RORA: variants seen among roughly 807,000 people sequenced by gnomAD.
The protein encoded by RORA is nuclear receptor ROR-alpha.
A neutral mutation model predicts 69.5 loss-of-function variants in RORA; 7 were observed. The observed-to-expected ratio is 0.10, with a 90% CI of 0.06 to 0.19. The LOEUF (loss-of-function observed/expected upper bound fraction) is 0.19, where lower values mean the gene tolerates loss of function less well. Among genes scored for constraint, RORA ranks in the 10% least tolerant of loss-of-function variants. The probability of loss-of-function intolerance (pLI) is 1.00; values close to 1 mark genes in which losing one functional copy is unlikely to be tolerated. For synonymous variants in RORA, 261 were observed against 240.8 expected (o/e 1.08, Z -0.78); for missense variants, 457 against 663.0 (o/e 0.69, Z 3.41).
At chr15:61,084,092 G>A (rs2078586838) in intron 1 of RORA, among the ~76,000 whole-genome samples, 1 of 152,106 alleles carries the variant, frequency 6.6e-6, no homozygotes, top group Admixed American at 6.5e-5. Flanking sequence ...ATATTGAAGG[G>A]AGCTCTCTCA....
intron 1 of RORA, among the ~76,000 whole-genome samples, chr15:60,684,612 A>G (rs1411766438): frequency 1.3e-5 from 2 of 152,180 alleles, no homozygotes; most frequent in East Asian, 1.9e-4. Flanking sequence ...GCGAGACTCC[A>G]TCTCAAACAA....
chr15:61,073,528 G>T (rs1307288852), intron 1 of RORA, among the ~76,000 whole-genome samples: 1 of 152,144 alleles, frequency 6.6e-6, no homozygotes, highest in Non-Finnish European at 1.5e-5. Context: ...TTACTGTAGG[G>T]CTGTGACTTG....
At chr15:61,191,964 T>C (rs1370003168) in intron 1 of RORA, among the ~76,000 whole-genome samples, 2 of 152,266 alleles carry the variant, frequency 1.3e-5, no homozygotes. Flanking sequence ...ATACAACTGC[T>C]GTCCAGGCTT....
intron 1 of RORA, among the ~76,000 whole-genome samples, chr15:60,857,442 A>G (rs981964501): frequency 6.6e-6 from 1 of 152,066 alleles, no homozygotes; most frequent in African/African-American, 2.4e-5. Flanking sequence ...TGAACACCCC[A>G]TCCACACAAC....
chr15:61,161,166 C>A (rs968714293), intron 1 of RORA, among the ~76,000 whole-genome samples: 5 of 152,106 alleles, frequency 3.3e-5, no homozygotes, highest in African/African-American at 1.2e-4. Context: ...ATGCTGGAGC[C>A]AGAAGGATTG....
chr15:60,802,574 G>A (rs1342045100), intron 1 of RORA, among the ~76,000 whole-genome samples: 2 of 152,170 alleles, frequency 1.3e-5, no homozygotes, highest in Non-Finnish European at 2.9e-5. Flanking sequence ...TAATGTGTGT[G>A]TGTGTGTTTA....
At position 60,679,756 on chromosome 15, in the gene RORA, C is replaced by A. The variant is rs557804168; in HGVS notation, c.167-1070G>T. On this transcript the variant is annotated intron_variant, in intron 1 of 10. Transcript: ENST00000335670. ...ATCTGTTGTGAAAATCCACGGCAGA[C>A]ATTTTTTAAAAAGTTGGTTCCGAAG... Among the ~76,000 whole-genome samples, 3 of 152,298 alleles carry A rather than the reference C, an allele frequency of 2.0e-5. No homozygotes were observed. The East Asian group carries it at 5.8e-4, about 29-fold the overall frequency.
chr15:60,705,402 T>C (rs879309628), intron 1 of RORA, among the ~76,000 whole-genome samples: 1 of 152,184 alleles, frequency 6.6e-6, no homozygotes, highest in Non-Finnish European at 1.5e-5. Flanking sequence ...TTGTAGACTA[T>C]CACCACAAGT....
intron 2 of RORA, among the ~76,000 whole-genome samples, chr15:60,656,415 A>G (rs2070222904): frequency 6.6e-6 from 1 of 152,240 alleles, no homozygotes; most frequent in East Asian, 1.9e-4. Flanking sequence ...GGGAGATAAC[A>G]CATGTATATA....
chr15:60,809,993 C>T (rs1044337119), intron 1 of RORA, among the ~76,000 whole-genome samples: 1 of 152,126 alleles, frequency 6.6e-6, no homozygotes, highest in African/African-American at 2.4e-5. Context: ...TTCTGGGCTG[C>T]TGTAAGGCTG....
At chr15:60,904,275 T>A (rs531209652) in intron 1 of RORA, among the ~76,000 whole-genome samples, 1 of 152,236 alleles carries the variant, frequency 6.6e-6, no homozygotes, top group Non-Finnish European at 1.5e-5. Context: ...GAGCTTCAGA[T>A]ACATGGTGTT....
intron 1 of RORA, among the ~76,000 whole-genome samples, chr15:61,198,045 A>G (rs1311177037): frequency 6.6e-6 from 1 of 152,208 alleles, no homozygotes; most frequent in Non-Finnish European, 1.5e-5. Flanking sequence ...ACTCTGTTTT[A>G]TAAACGCAAC....
chr15:61,185,308 A>G (rs2079730588), intron 1 of RORA, among the ~76,000 whole-genome samples: 1 of 151,080 alleles, frequency 6.6e-6, no homozygotes, highest in Non-Finnish European at 1.5e-5. Flanking sequence ...TGTTGATCCC[A>G]TCTTTTTTTT....
At chr15:60,692,235 T>C (rs537848747) in intron 1 of RORA, among the ~76,000 whole-genome samples, 1 of 152,340 alleles carries the variant, frequency 6.6e-6, no homozygotes, top group East Asian at 1.9e-4. Flanking sequence ...ATACACTTTA[T>C]TTTTAAAGAT....
At chr15:60,838,429 T>A (rs898665770) in intron 1 of RORA, among the ~76,000 whole-genome samples, 1 of 152,130 alleles carries the variant, frequency 6.6e-6, no homozygotes, top group Non-Finnish European at 1.5e-5. Flanking sequence ...ACTGAGGGTA[T>A]GCTGTCCAAG....
rs116340929 is a variant in RORA at position 60,665,380 on chromosome 15, T to C, written c.196+13277A>G. Among the ~76,000 whole-genome samples, 810 of 152,350 alleles carry C rather than the reference T, an allele frequency of 5.3e-3. 10 individuals are homozygous for C. The highest frequency in any genetic ancestry group is 0.018 in the African/African-American group (769 of 41,580). On this transcript the variant is annotated intron_variant, in intron 2 of 10. Coordinates refer to ENST00000335670, the MANE Select transcript of RORA (RefSeq NM_134261.3). Reference sequence around the variant, plus strand: ...TTTACCTTTTACTCTATAGATTCGATCATCTGATTTACATGGATAATGCAA... The same window carrying C: ...TTTACCTTTTACTCTATAGATTCGACCATCTGATTTACATGGATAATGCAA...
At chr15:60,864,388 GA>G (rs1431177629) in intron 1 of RORA, among the ~76,000 whole-genome samples, 14 of 152,044 alleles carry the variant, frequency 9.2e-5, no homozygotes, top group Admixed American at 5.2e-4. Flanking sequence ...GTCACATTTT[GA>G]AAAATGTTAT....
chr15:60,721,585 G>T (rs1388617177), intron 1 of RORA, among the ~76,000 whole-genome samples: 2 of 152,234 alleles, frequency 1.3e-5, no homozygotes, highest in South Asian at 4.1e-4. Flanking sequence ...TACCCTCAAA[G>T]AACTTGGTAA....
At chr15:61,225,365 A>AT (rs2080136537) in intron 1 of RORA, among the ~76,000 whole-genome samples, 1 of 152,146 alleles carries the variant, frequency 6.6e-6, no homozygotes, top group Non-Finnish European at 1.5e-5. Context: ...AGGGCGCTAA[A>AT]TTGCTAGGTA....
Sources: gnomAD v4.1 joint callset for allele counts (sites outside exome capture counted in the v4.1 genomes callset) on GRCh38, gnomAD v4.1.1 for gene constraint, MANE v1.5 for transcripts, NCBI Gene and HGNC (gene_info 2026-07-23, HGNC 2026-07-21) for gene names.